Variants in MDN1 observed in about 807,000 individuals in gnomAD.
MDN1 encodes midasin AAA ATPase 1, also known as midasin.
MDN1 carries 266 observed loss-of-function variants against 669.2 expected under a neutral mutation model. The observed-to-expected ratio is 0.40, with a 90% CI of 0.36 to 0.44. The LOEUF (loss-of-function observed/expected upper bound fraction) is 0.44. MDN1 is among the 20% of genes least tolerant of loss of function. MDN1 has a pLI of 1.00. For synonymous variants in MDN1, 2,385 were observed against 2,457.1 expected, an observed-to-expected ratio of 0.97 and a Z score of 0.87; for missense variants, 5,940 against 6,754.0, an observed-to-expected ratio of 0.88 and a Z score of 4.22.
intron 33 of MDN1, among the ~76,000 whole-genome samples, chr6:89,737,410 G>C (rs1816045786): frequency 6.6e-6 from 1 of 151,712 alleles, no homozygotes; most frequent in Non-Finnish European, 1.5e-5. Context: ...TATTCTTTAA[G>C]AATATAAAAA....
chr6:89,816,292 CG>C (rs1768824188), intron 1 of MDN1, among the ~76,000 whole-genome samples: 2 of 152,062 alleles, frequency 1.3e-5, no homozygotes, highest in Middle Eastern at 3.4e-3. Flanking sequence ...CCCGGCTACT[CG>C]AGAGGCTGAG....
chr6:89,692,629 A>G lies in MDN1; in HGVS notation c.10401T>C (p.Val3467=), dbSNP rs1290336686. The G allele has an allele frequency of 6.2e-7, 1 of 1,614,232 alleles. No homozygotes were observed. Among genetic ancestry groups the G allele is most frequent in the Admixed American group, 1.7e-5 (1 of 60,028 alleles). Residue 3467 remains valine (V), a synonymous_variant, in exon 63 of 102, where the codon GTT becomes GTC. Transcript: ENST00000369393. Reference sequence around the variant, plus strand: ...GGATTAGCTTCCCAAGGCCTCGTAGAACCTCCTCAGACTTCACCGAGCACA... The same window carrying G: ...GGATTAGCTTCCCAAGGCCTCGTAGGACCTCCTCAGACTTCACCGAGCACA... ...DTLCSVKSEE[V]LRGLGKLILK... is the part of the protein sequence containing the mutation.
chr6:89,688,942 G>A, intron 65 of MDN1, 134 bp from the exon 66 acceptor site: 4 of 703,020 alleles, frequency 5.7e-6, no homozygotes. Context: ...AGCCGAGGCA[G>A]GCAGATTGCT....
chr6:89,798,312 G>A (rs1402837504), intron 2 of MDN1, among the ~76,000 whole-genome samples: 4 of 151,662 alleles, frequency 2.6e-5, no homozygotes, highest in South Asian at 2.1e-4. Flanking sequence ...TTGGGAGTTC[G>A]AGACCAGCCT....
chr6:89,711,089 A>C (rs1209809478), intron 49 of MDN1, among the ~76,000 whole-genome samples: 1 of 152,250 alleles, frequency 6.6e-6, no homozygotes, highest in Non-Finnish European at 1.5e-5. Context: ...CATGTGTTAC[A>C]AAATATTATA....
chr6:89,687,290 A>G, intron 68 of MDN1, 54 bp downstream of exon 68: 1 of 1,503,128 alleles, frequency 6.7e-7, no homozygotes, highest in Non-Finnish European at 9.1e-7. Context: ...TAAACTACCA[A>G]AAGACAAAAG....
chr6:89,756,949 A>C (rs1322620273), intron 19 of MDN1, among the ~76,000 whole-genome samples: 1 of 151,936 alleles, frequency 6.6e-6, no homozygotes, highest in African/African-American at 2.4e-5. Context: ...CAAAAATAAG[A>C]ATTAATTATC....
intron 50 of MDN1, 95 bp from the exon 51 acceptor site, chr6:89,708,723 A>G: frequency 7.3e-7 from 1 of 1,361,488 alleles, no homozygotes; most frequent in Non-Finnish European, 1.0e-6. Flanking sequence ...TTTTACTTTG[A>G]GCACATTGAA....
chr6:89,731,065 T>A (rs1815564898), intron 34 of MDN1, 142 bp from the exon 35 acceptor site: 1 of 659,658 alleles, frequency 1.5e-6, no homozygotes, highest in Admixed American at 3.1e-5. Flanking sequence ...GTGTAAGCAG[T>A]CCTAAGAAAG....
intron 7 of MDN1, among the ~76,000 whole-genome samples, chr6:89,788,649 T>C (rs1349944322): frequency 6.6e-6 from 1 of 152,152 alleles, no homozygotes; most frequent in Non-Finnish European, 1.5e-5. Context: ...CGAGAGGCTT[T>C]TAGGCTGAGA....
intron 92 of MDN1, among the ~76,000 whole-genome samples, chr6:89,655,462 A>G (rs111473311): frequency 2.6e-4 from 39 of 152,348 alleles, no homozygotes; most frequent in African/African-American, 7.5e-4. Flanking sequence ...ATATTTAAAG[A>G]GTTTATACTA....
chr6:89,719,194 G>T lies in MDN1; in HGVS notation c.5999C>A (p.Ser2000Ter). The change falls in exon 41 of 102, where the codon TCA becomes TAA. Residue 2000 changes from serine (S) to a stop codon, truncating the protein, a stop_gained. Coordinates refer to ENST00000369393, the MANE Select transcript of MDN1 (RefSeq NM_014611.3). LOFTEE classifies it high-confidence loss of function. ...GGTTCCCATGTATGGGTTGGAATTT[G>T]AACCAAACACATCCTTGAATACAGC... ...VIAVFKDVFG[S>*]NSNPYMGTRL... 2 of 1,613,720 alleles carry T rather than the reference G, an allele frequency of 1.2e-6. No individual in the cohort carries two copies. The highest frequency in any genetic ancestry group is 2.2e-5 in the South Asian group (2 of 91,040).
intron 5 of MDN1, among the ~76,000 whole-genome samples, chr6:89,793,232 C>T (rs1016186247): frequency 5.3e-5 from 8 of 152,202 alleles, no homozygotes; most frequent in African/African-American, 1.7e-4. Flanking sequence ...CTAGGCCTGT[C>T]TTTGCCACAG....
chr6:89,794,530 G>T (rs370207958), intron 3 of MDN1, 47 bp downstream of exon 3: 1 of 1,545,456 alleles, frequency 6.5e-7, no homozygotes, highest in East Asian at 2.2e-5. Flanking sequence ...CACATGCCCT[G>T]TACCATCCCC....
rs541057675 is a variant in MDN1 at position 89,808,983 on chromosome 6, G to T, written c.103-5429C>A. Among the ~76,000 whole-genome samples, 7 of 151,538 alleles carry T rather than the reference G, an allele frequency of 4.6e-5. No homozygotes were observed. The East Asian group carries it at 1.4e-3, about 30-fold the overall frequency. On this transcript the variant is annotated intron_variant, in intron 1 of 101. Transcript: ENST00000369393. The stretch of plus-strand genomic sequence containing the variant: ...TGTAATCCCAGCACTTTGGGAGGCC[G>T]AGGCAGGAGGATCACCTAAGCTCAG...
chr6:89,750,211 T>A, intron 24 of MDN1, 143 bp downstream of exon 24: 1 of 807,122 alleles, frequency 1.2e-6, no homozygotes, highest in East Asian at 2.6e-5. Context: ...ACCCCTTAAC[T>A]ATCTTAGCTC....
At chr6:89,761,773 G>A (rs756656820) in intron 16 of MDN1, 25 bp from the exon 17 acceptor site, 9 of 1,485,440 alleles carry the variant, frequency 6.1e-6, no homozygotes, top group Middle Eastern at 1.7e-4. Flanking sequence ...CAAGAATTCA[G>A]CACACATTTT....
At chr6:89,675,932 T>A (rs1198833612) in intron 77 of MDN1, 170 bp downstream of exon 77, 3 of 609,914 alleles carry the variant, frequency 4.9e-6, no homozygotes, top group Non-Finnish European at 8.5e-6. Flanking sequence ...GTGTTCTGAT[T>A]TTGCACAAAA....
At position 89,661,580 on chromosome 6, in the gene MDN1, T is replaced by A. The variant is rs374143402; in HGVS notation, c.14566-2A>T. 6.2e-7 allele frequency: 1 copy of A among 1,609,624 alleles called. No individual in the cohort carries two copies. The highest frequency in any genetic ancestry group is 1.3e-5 in the African/African-American group (1 of 74,658). On this transcript the variant is annotated splice_acceptor_variant, in intron 87 of 101. Coordinates refer to ENST00000369393, the MANE Select transcript of MDN1 (RefSeq NM_014611.3). LOFTEE classifies it high-confidence loss of function. ...CACCTCATTTTCATCATAGTCCCTC[T>A]TTGGGACAATGGAGACAACAGGGAT... is the stretch of plus-strand genomic sequence containing the variant.
Sources: gnomAD v4.1 joint callset for allele counts (sites outside exome capture counted in the v4.1 genomes callset) on GRCh38, gnomAD v4.1.1 for gene constraint, MANE v1.5 for transcripts, NCBI Gene and HGNC (gene_info 2026-07-23, HGNC 2026-07-21) for gene names.